URB1: variants seen among roughly 807,000 people sequenced by gnomAD.
URB1 encodes the protein URB1 ribosome biogenesis factor.
In URB1, 197 loss-of-function variants were observed where a neutral mutation model predicts 242.3. The ratio of observed to expected loss-of-function variants is 0.81; its 90% CI spans 0.72 to 0.91. The LOEUF is 0.91. URB1 is among the 40% of genes least tolerant of loss of function. URB1 has a pLI of 0.00. For synonymous variants in URB1, 1,153 were observed against 1,201.8 expected (o/e 0.96, Z 0.84); for missense variants, 2,721 against 2,860.5 (o/e 0.95, Z 1.11).
Position 32,374,977 on chromosome 21 carries a change from A to G in URB1, c.750+421T>C, listed in dbSNP as rs2033443495. ...TTTAAAGTGTTTCTGTATTAAAGGC[A>G]GTGATCTTTTTAGCAAGTTTTAAAA... On this transcript the variant is annotated intron_variant, in intron 6 of 38. Coordinates refer to ENST00000382751, the MANE Select transcript of URB1 (RefSeq NM_014825.3). Among the ~76,000 whole-genome samples, 3 of 152,240 alleles carry G rather than the reference A, an allele frequency of 2.0e-5. No homozygotes were observed. In the South Asian group the frequency reaches 6.2e-4, roughly 31 times the overall value.
At chr21:32,377,652 C>A (rs1469833208) in intron 5 of URB1, among the ~76,000 whole-genome samples, 2 of 152,138 alleles carry the variant, frequency 1.3e-5, no homozygotes, top group Non-Finnish European at 2.9e-5. Flanking sequence ...ACAGGGTGAC[C>A]GCCACCTGCA....
At chr21:32,381,589 G>A (rs954392980) in intron 4 of URB1, among the ~76,000 whole-genome samples, 2 of 152,142 alleles carry the variant, frequency 1.3e-5, no homozygotes, top group South Asian at 2.1e-4. Context: ...TTTGGATCCC[G>A]ATCTGAATCA....
intron 3 of URB1, among the ~76,000 whole-genome samples, chr21:32,383,909 C>T (rs948211695): frequency 3.3e-5 from 5 of 152,150 alleles, no homozygotes; most frequent in Non-Finnish European, 5.9e-5. Flanking sequence ...AATGCGAGCT[C>T]TTGGCTGTCT....
intron 24 of URB1, among the ~76,000 whole-genome samples, chr21:32,341,782 A>T (rs1358449957): frequency 6.6e-6 from 1 of 152,200 alleles, no homozygotes; most frequent in African/African-American, 2.4e-5. Flanking sequence ...TAGGCATACA[A>T]ATTTATTAAT....
rs545861891 is a variant in URB1, at chr21:32,323,682, C to A, written c.5233+809G>T. Among the ~76,000 whole-genome samples, 6 of 152,162 alleles carry A rather than the reference C, an allele frequency of 3.9e-5. No homozygotes were observed. In the South Asian group the frequency reaches 1.2e-3, roughly 32 times the overall value. On this transcript the variant is annotated intron_variant, in intron 32 of 38. Coordinates refer to ENST00000382751, the MANE Select transcript of URB1 (RefSeq NM_014825.3). ...AGGCACTTACATGTGTGTTAGTGTG[C>A]GTGATCTAGGCCAGGCATGGTGGCT...
Position 32,352,893 on chromosome 21 carries a change from CACA to C in URB1, c.2427_2429del (p.Val810del). ...CAGTCAGCACTGCCGTCAGATATGT[CACA>C]ACGTTTTCCGCTGCAAAGGAACGAG... On this transcript the variant is annotated inframe_deletion, in exon 19 of 39. Transcript: ENST00000382751. 3 of 1,547,738 alleles carry C rather than the reference CACA, an allele frequency of 1.9e-6. No individual in the cohort carries two copies. The highest frequency in any genetic ancestry group is 2.6e-6 in the Non-Finnish European group (3 of 1,144,706).
intron 1 of URB1, among the ~76,000 whole-genome samples, chr21:32,390,321 C>T (rs988389156): frequency 9.2e-5 from 14 of 152,206 alleles, no homozygotes; most frequent in Non-Finnish European, 1.5e-4. Context: ...AGTAAGGTTC[C>T]TGTCCCTGTC....
chr21:32,337,585 C>G (rs1274245922), intron 26 of URB1, 71 bp from the exon 27 acceptor site: 1 of 1,304,404 alleles, frequency 7.7e-7, no homozygotes, highest in Non-Finnish European at 1.1e-6. Flanking sequence ...GAGGAGAGAG[C>G]CTTCCAGGCA....
At position 32,314,600 on chromosome 21, in the gene URB1, C is replaced by T. The variant is rs914556482; in HGVS notation, c.*318G>A. The stretch of plus-strand genomic sequence containing the variant: ...GCATTCAGAAGTGCTGCCTCAAACT[C>T]GAGCTATTTCCTGTGATGAGCTCCA... On this transcript the variant is annotated 3_prime_UTR_variant, in exon 39 of 39. Transcript: ENST00000382751. The T allele has an allele frequency of 2.5e-6, 4 of 1,614,186 alleles. No individual in the cohort carries two copies. The highest frequency in any genetic ancestry group is 1.3e-5 in the African/African-American group (1 of 75,054).
At chr21:32,368,213 G>A (rs571301802) in intron 9 of URB1, among the ~76,000 whole-genome samples, 190 bp downstream of exon 9, 118 of 151,884 alleles carry the variant, frequency 7.8e-4, no homozygotes, top group Non-Finnish European at 1.3e-3. Flanking sequence ...GATTACAGGC[G>A]CACACCACCA....
Position 32,317,911 on chromosome 21 carries a change from G to A in URB1, c.5799C>T (p.Thr1933=). The stretch of plus-strand genomic sequence containing the variant: ...AGTTGGTCAGCTGGACGGGGGCCAA[G>A]GTGGGCCTGTTTGGGAGTCAATGTT... ...LIVLMKHLRP[T]LAPVQLTNFF... Residue 1933 remains threonine, a synonymous_variant, in exon 37 of 39, where the codon ACC becomes ACT. Transcript: ENST00000382751. The A allele has an allele frequency of 6.4e-7, 1 of 1,551,640 alleles. No homozygotes were observed. Among genetic ancestry groups the A allele is most frequent in the Non-Finnish European group, 8.7e-7 (1 of 1,146,972 alleles).
At chr21:32,343,253 G>C (rs1407086285) in intron 24 of URB1, among the ~76,000 whole-genome samples, 1 of 151,840 alleles carries the variant, frequency 6.6e-6, no homozygotes, top group East Asian at 1.9e-4. Context: ...TTTTAGCCCT[G>C]TGATCACAAA....
rs75060686 is a variant in URB1 at position 32,386,707 on chromosome 21, G to A, written c.143-1023C>T. On this transcript the variant is annotated intron_variant, in intron 1 of 38. Coordinates refer to ENST00000382751, the MANE Select transcript of URB1 (RefSeq NM_014825.3). ...GAAAAACCATATAGAGCATGGTAAC[G>A]AAACATTACCAAGAGCTTTACTTAC... Among the ~76,000 whole-genome samples, 914 of 152,280 alleles carry A rather than the reference G, an allele frequency of 6.0e-3. 9 individuals carry two copies. The highest frequency in any genetic ancestry group is 0.021 in the African/African-American group (888 of 41,540).
intron 1 of URB1, among the ~76,000 whole-genome samples, chr21:32,391,662 T>C (rs1467494627): frequency 6.6e-6 from 1 of 152,140 alleles, no homozygotes; most frequent in Non-Finnish European, 1.5e-5. Flanking sequence ...AATAACTCTA[T>C]GCTAACTAAG....
rs538970195 is a variant in URB1, at chr21:32,378,295, C to CG, written c.664+149dup. Reference sequence around the variant, plus strand: ...ATGGTACTGACCAAGGCTTTGCACCCGCTCACCCACCTCCCTGCCCCACAT... The same window carrying CG: ...ATGGTACTGACCAAGGCTTTGCACCCGGCTCACCCACCTCCCTGCCCCACAT... On this transcript the variant is annotated intron_variant, in intron 5 of 38. Transcript: ENST00000382751. 5.2e-4 allele frequency: 354 copies of CG among 678,636 alleles called. 2 individuals are homozygous for CG. In the African/African-American group the frequency reaches 5.5e-3, roughly 11 times the overall value. 42.0% of individuals were successfully genotyped at this position (678,636 alleles called of 1,614,324 possible).
rs1349941264 is a variant in URB1 at position 32,314,373 on chromosome 21, T to G, written c.*545A>C. 3 of 557,910 alleles carry G rather than the reference T, an allele frequency of 5.4e-6. No individual in the cohort carries two copies. The highest frequency in any genetic ancestry group is 3.8e-5 in the African/African-American group (2 of 52,760). The allele number at this position is 557,910 out of a possible 1,614,324, so 34.6% of individuals were successfully genotyped here. A position where few individuals can be genotyped will look rare whatever the true frequency, so the allele number is the denominator to read the frequency against. ...CTAATTTTTGTATTTTTAGTAGAGA[T>G]GGGGTTTCACCATGTTGGGAAGGCT... On this transcript the variant is annotated 3_prime_UTR_variant, in exon 39 of 39. Coordinates refer to ENST00000382751, the MANE Select transcript of URB1 (RefSeq NM_014825.3).
chr21:32,344,317 A>G lies in URB1; in HGVS notation c.4257+253T>C, dbSNP rs76224135. ...GACTAATCAAAAAACAAGACATTAT[A>G]TAACATCTTGAAATGGAAAAAAGCA... On this transcript the variant is annotated intron_variant, in intron 24 of 38. Transcript: ENST00000382751. Among the ~76,000 whole-genome samples the G allele has an allele frequency of 5.5e-3, 835 of 152,342 alleles. 6 individuals are homozygous for G. The highest frequency in any genetic ancestry group is 0.019 in the African/African-American group (807 of 41,562).
At position 32,358,895 on chromosome 21, in the gene URB1, C is replaced by G. The variant is rs115574054; in HGVS notation, c.1869+901G>C. On this transcript the variant is annotated intron_variant, in intron 14 of 38. Transcript: ENST00000382751. ...GGACCCTGCAGAAGGTTCTGACACA[C>G]TGTGCCCAGCTGCCTTGTCTTTAAG... 7.7e-3 allele frequency among the ~76,000 whole-genome samples: 1,168 copies of G among 152,296 alleles called. 14 individuals are homozygous for G. Among genetic ancestry groups the G allele is most frequent in the African/African-American group, 0.027 (1,126 of 41,556 alleles).
At chr21:32,323,262 A>C (rs565011067) in intron 32 of URB1, among the ~76,000 whole-genome samples, 3 of 152,202 alleles carry the variant, frequency 2.0e-5, no homozygotes, top group African/African-American at 7.2e-5. Context: ...GGAGCAGATG[A>C]AAATGAGATC....
Sources: gnomAD v4.1 joint callset for allele counts (sites outside exome capture counted in the v4.1 genomes callset) on GRCh38, gnomAD v4.1.1 for gene constraint, MANE v1.5 for transcripts, NCBI Gene and HGNC (gene_info 2026-07-23, HGNC 2026-07-21) for gene names.